Variants in HS6ST3 observed in about 807,000 individuals in gnomAD.
HS6ST3 encodes the protein heparan sulfate 6-O-sulfotransferase 3.
A neutral mutation model predicts 36.7 loss-of-function variants in HS6ST3; 12 were observed. The ratio of observed to expected loss-of-function variants is 0.33; its 90% CI spans 0.21 to 0.53. HS6ST3 has a LOEUF of 0.53. Ranked by LOEUF, HS6ST3 falls within the 20% of genes least tolerant of loss-of-function variation. The pLI, the probability that HS6ST3 is intolerant of heterozygous loss-of-function variation, is 0.95. For missense variants in HS6ST3, 584 were observed against 640.9 expected, an observed-to-expected ratio of 0.91 and a Z score of 0.96; for synonymous variants, 240 against 257.5, an observed-to-expected ratio of 0.93 and a Z score of 0.65.
intron 1 of HS6ST3, among the ~76,000 whole-genome samples, chr13:96,679,436 C>G (rs902169786): frequency 6.6e-6 from 1 of 151,996 alleles, no homozygotes; most frequent in Non-Finnish European, 1.5e-5. Context: ...ACCCCAGCCC[C>G]CAGCAGCTGT....
chr13:96,472,013 C>A (rs1324545149), intron 1 of HS6ST3, among the ~76,000 whole-genome samples: 1 of 152,084 alleles, frequency 6.6e-6, no homozygotes, highest in African/African-American at 2.4e-5. Flanking sequence ...TGGGCAGCAG[C>A]CTTCATGGAA....
At chr13:96,593,058 G>T (rs1383214266) in intron 1 of HS6ST3, among the ~76,000 whole-genome samples, 1 of 151,234 alleles carries the variant, frequency 6.6e-6, no homozygotes, top group African/African-American at 2.4e-5. Context: ...CCTCTTTAAG[G>T]CCAATAACTC....
intron 1 of HS6ST3, among the ~76,000 whole-genome samples, chr13:96,622,889 T>C (rs1023683877): frequency 1.3e-5 from 2 of 152,186 alleles, no homozygotes; most frequent in African/African-American, 4.8e-5. Context: ...TTTTAATTGC[T>C]CTATTTCTAG....
intron 1 of HS6ST3, among the ~76,000 whole-genome samples, chr13:96,646,925 C>A (rs897402987): frequency 2.0e-5 from 3 of 151,948 alleles, no homozygotes; most frequent in African/African-American, 7.2e-5. Context: ...TTCAGAGGCT[C>A]TTCTAAGATC....
intron 1 of HS6ST3, among the ~76,000 whole-genome samples, chr13:96,298,799 C>T (rs1403144646): frequency 2.6e-5 from 4 of 152,128 alleles, no homozygotes; most frequent in African/African-American, 9.7e-5. Context: ...AGAAGTGAAG[C>T]TGAGTACCTA....
chr13:96,178,691 G>A (rs910892496), intron 1 of HS6ST3, among the ~76,000 whole-genome samples: 2 of 152,082 alleles, frequency 1.3e-5, no homozygotes, highest in Non-Finnish European at 2.9e-5. Context: ...CTGTTTCTAA[G>A]CATCATTCCT....
At chr13:96,600,492 A>T (rs2056417568) in intron 1 of HS6ST3, among the ~76,000 whole-genome samples, 1 of 151,210 alleles carries the variant, frequency 6.6e-6, no homozygotes, top group Non-Finnish European at 1.5e-5. Flanking sequence ...AGCTATTCCT[A>T]CTCCCTTTTG....
intron 1 of HS6ST3, among the ~76,000 whole-genome samples, chr13:96,621,298 T>A (rs1202679625): frequency 6.6e-6 from 1 of 152,164 alleles, no homozygotes; most frequent in African/African-American, 2.4e-5. Context: ...AGTGATTGGA[T>A]CATGGGGGCA....
chr13:96,614,324 A>AGT (rs1566411767), intron 1 of HS6ST3, among the ~76,000 whole-genome samples: 6 of 123,688 alleles, frequency 4.9e-5, no homozygotes, highest in South Asian at 2.5e-4. Context: ...AAAAAAAAAA[A>AGT]AAAACAGTTA....
At chr13:96,092,462 TGA>T (rs1219928897) in intron 1 of HS6ST3, among the ~76,000 whole-genome samples, 1 of 152,222 alleles carries the variant, frequency 6.6e-6, no homozygotes, top group Non-Finnish European at 1.5e-5. Flanking sequence ...TAACATGCTT[TGA>T]GAGAGACATG....
intron 1 of HS6ST3, among the ~76,000 whole-genome samples, chr13:96,546,897 G>A (rs1292278104): frequency 6.6e-6 from 1 of 152,084 alleles, no homozygotes; most frequent in Non-Finnish European, 1.5e-5. Context: ...ATTCCTAGAG[G>A]GACAGCAGAG....
chr13:96,403,330 C>T (rs1283312623), intron 1 of HS6ST3, among the ~76,000 whole-genome samples: 1 of 152,040 alleles, frequency 6.6e-6, no homozygotes, highest in Non-Finnish European at 1.5e-5. Flanking sequence ...TTCCATTTGT[C>T]ACTGGAAGGA....
At chr13:96,104,394 G>T (rs1444062409) in intron 1 of HS6ST3, among the ~76,000 whole-genome samples, 2 of 152,202 alleles carry the variant, frequency 1.3e-5, no homozygotes, top group African/African-American at 4.8e-5. Flanking sequence ...CTGGGCTGGA[G>T]TAGGTCTTGG....
intron 1 of HS6ST3, among the ~76,000 whole-genome samples, chr13:96,744,025 T>A (rs1566443579): frequency 6.6e-6 from 1 of 152,094 alleles, no homozygotes. Context: ...GTGATTTTTT[T>A]ATTTTAATTC....
intron 1 of HS6ST3, among the ~76,000 whole-genome samples, chr13:96,457,270 T>G (rs1379940592): frequency 1.3e-5 from 2 of 152,174 alleles, no homozygotes; most frequent in East Asian, 1.9e-4. Flanking sequence ...TTGCTTAAGT[T>G]ATAAAAATGC....
chr13:96,321,827 T>A (rs1391820013), intron 1 of HS6ST3, among the ~76,000 whole-genome samples: 10 of 152,266 alleles, frequency 6.6e-5, no homozygotes, highest in Middle Eastern at 3.4e-3. Context: ...TAGACAACCA[T>A]GCTGGTAGGT....
chr13:96,321,765 C>T (rs2055004128), intron 1 of HS6ST3, among the ~76,000 whole-genome samples: 1 of 152,166 alleles, frequency 6.6e-6, no homozygotes, highest in Admixed American at 6.5e-5. Flanking sequence ...AGATTCAACC[C>T]TCTGCCTCTC....
At chr13:96,469,406 T>A (rs2055830086) in intron 1 of HS6ST3, among the ~76,000 whole-genome samples, 1 of 152,112 alleles carries the variant, frequency 6.6e-6, no homozygotes, top group Non-Finnish European at 1.5e-5. Context: ...CAGGCCAGTG[T>A]GCTTTGAGCA....
intron 1 of HS6ST3, among the ~76,000 whole-genome samples, chr13:96,294,540 T>TC (rs996903384): frequency 2.6e-5 from 4 of 152,064 alleles, no homozygotes; most frequent in African/African-American, 9.7e-5. Context: ...CCCAGGATGT[T>TC]CCCCACATTG....
Sources: allele counts gnomAD v4.1 joint callset (sites outside exome capture counted in the v4.1 genomes callset), GRCh38; gene constraint gnomAD v4.1.1; transcripts MANE v1.5; gene names NCBI Gene and HGNC (gene_info 2026-07-23, HGNC 2026-07-21).